Variants in ITSN1 observed in about 807,000 individuals in gnomAD.
The protein encoded by ITSN1 is intersectin 1, also known as intersectin-1.
Under a neutral mutation model 239.8 loss-of-function variants are expected in ITSN1, and 58 were observed. That is an observed-to-expected ratio of 0.24 (90% CI 0.20 to 0.30). ITSN1 has a LOEUF of 0.30. ITSN1 is among the 10% of genes least tolerant of loss of function. The probability of loss-of-function intolerance (pLI) is 1.00; values close to 1 mark genes in which losing one functional copy is unlikely to be tolerated. For missense variants in ITSN1, 1,558 were observed against 2,103.3 expected, an observed-to-expected ratio of 0.74 and a Z score of 5.07; for synonymous variants, 780 against 770.8, an observed-to-expected ratio of 1.01 and a Z score of -0.20.
intron 1 of ITSN1, among the ~76,000 whole-genome samples, chr21:33,713,396 C>T (rs536733475): frequency 2.4e-4 from 37 of 152,084 alleles, no homozygotes; most frequent in African/African-American, 8.2e-4. Context: ...CCCGCCACCA[C>T]GCCTGGCTAA....
intron 1 of ITSN1, among the ~76,000 whole-genome samples, chr21:33,656,649 C>T (rs2089106257): frequency 6.6e-6 from 1 of 152,158 alleles, no homozygotes; most frequent in South Asian, 2.1e-4. Context: ...GGTCCCCCCA[C>T]CTCAGCCCCC....
intron 1 of ITSN1, among the ~76,000 whole-genome samples, chr21:33,670,493 T>TC (rs906511164): frequency 2.4e-4 from 37 of 152,222 alleles, no homozygotes; most frequent in African/African-American, 8.9e-4. Context: ...TTTTTTTTTT[T>TC]CCCAAAACAA....
At chr21:33,720,797 TG>T (rs2065439083) in intron 2 of ITSN1, among the ~76,000 whole-genome samples, 1 of 152,226 alleles carries the variant, frequency 6.6e-6, no homozygotes, top group African/African-American at 2.4e-5. Flanking sequence ...TCATAACTTT[TG>T]CCTGTGGCAT....
At chr21:33,667,178 A>G (rs752512489) in intron 1 of ITSN1, among the ~76,000 whole-genome samples, 36 of 151,460 alleles carry the variant, frequency 2.4e-4, no homozygotes, top group Non-Finnish European at 4.0e-4. Flanking sequence ...TGTAAAGTGT[A>G]GTTTTCCAAA....
rs1475729176 is a variant in ITSN1, at chr21:33,819,314, T to G, written c.3007T>G (p.Ser1003Ala). Residue 1003 changes from serine (S) to alanine (A), a missense_variant, in exon 24 of 40, where the codon TCG (serine) becomes GCG (alanine). By Grantham distance (99) the Ser-to-Ala change is moderately conservative (BLOSUM62 1). Coordinates refer to ENST00000381318, the MANE Select transcript of ITSN1 (RefSeq NM_003024.3). ...VASPAAKPVVSGEEFIAMYTY... is the reference protein window; with the variant it reads ...VASPAAKPVVAGEEFIAMYTY... ...CTCTCCAGCAGCCAAGCCGGTCGTT[T>G]CGGGAGAAGGTGAGGGCCTGAGTTG... 3 of 1,613,874 alleles carry G rather than the reference T, an allele frequency of 1.9e-6. No individual in the cohort carries two copies. Among genetic ancestry groups the G allele is most frequent in the Non-Finnish European group, 1.7e-6 (2 of 1,179,748 alleles).
chr21:33,868,454 C>T (rs1439282111), intron 33 of ITSN1, among the ~76,000 whole-genome samples: 3 of 152,232 alleles, frequency 2.0e-5, no homozygotes, highest in African/African-American at 7.2e-5. Context: ...AGTCCCGAGC[C>T]CTGCCCCGCG....
intron 29 of ITSN1, among the ~76,000 whole-genome samples, chr21:33,851,264 C>T (rs1250119576): frequency 6.6e-6 from 1 of 152,166 alleles, no homozygotes; most frequent in Non-Finnish European, 1.5e-5. Flanking sequence ...ATGGTCTTGA[C>T]CTCCCCAGCC....
At chr21:33,869,110 T>C (rs1982265624) in intron 33 of ITSN1, among the ~76,000 whole-genome samples, 1 of 152,184 alleles carries the variant, frequency 6.6e-6, no homozygotes, top group South Asian at 2.1e-4. Context: ...AGAAACGTAA[T>C]GCTACGACCT....
intron 1 of ITSN1, among the ~76,000 whole-genome samples, chr21:33,702,112 T>TAAACA (rs1568974946): frequency 9.2e-6 from 1 of 108,354 alleles, no homozygotes. Context: ...TTTTTTTTTT[T>TAAACA]TTTTTTTTTT....
At chr21:33,763,106 C>T (rs886556217) in intron 9 of ITSN1, among the ~76,000 whole-genome samples, 1 of 151,792 alleles carries the variant, frequency 6.6e-6, no homozygotes, top group Admixed American at 6.6e-5. Flanking sequence ...CAGCTCAGGA[C>T]TGAAATAAGC....
At chr21:33,762,046 C>T in intron 9 of ITSN1, 60 bp downstream of exon 9, 1 of 1,240,762 alleles carries the variant, frequency 8.1e-7, no homozygotes, top group Admixed American at 1.7e-5. Flanking sequence ...ATTGGTGTGG[C>T]CTCATGGGTT....
intron 1 of ITSN1, among the ~76,000 whole-genome samples, chr21:33,661,584 T>C (rs770816296): frequency 2.0e-5 from 3 of 152,154 alleles, no homozygotes; most frequent in Non-Finnish European, 4.4e-5. Context: ...GAGCAGGTCT[T>C]GCCTGAGTAC....
At chr21:33,827,726 C>T (rs748725970) in intron 26 of ITSN1, among the ~76,000 whole-genome samples, 10 of 152,158 alleles carry the variant, frequency 6.6e-5, no homozygotes, top group East Asian at 3.9e-4. Flanking sequence ...ATAAATAGCA[C>T]GAAAAAGAAA....
intron 26 of ITSN1, 58 bp downstream of exon 26, chr21:33,826,921 T>A: frequency 1.4e-6 from 2 of 1,426,822 alleles, no homozygotes; most frequent in Non-Finnish European, 9.9e-7. Flanking sequence ...TGATAGTTGC[T>A]CCCCATCTTT....
At chr21:33,781,077 A>G (rs2070138587) in intron 14 of ITSN1, among the ~76,000 whole-genome samples, 1 of 152,230 alleles carries the variant, frequency 6.6e-6, no homozygotes, top group South Asian at 2.1e-4. Context: ...GGTAGCTCCT[A>G]TTTAGACCAC....
At chr21:33,863,421 C>A (rs1421225941) in intron 31 of ITSN1, among the ~76,000 whole-genome samples, 1 of 152,190 alleles carries the variant, frequency 6.6e-6, no homozygotes, top group Non-Finnish European at 1.5e-5. Context: ...TTTGGGAGGC[C>A]AAGGTGGGTG....
chr21:33,857,215 G>A (rs2282470), intron 30 of ITSN1, among the ~76,000 whole-genome samples: 11,356 of 152,194 alleles, frequency 0.075, 505 homozygotes, highest in East Asian at 0.077. Context: ...CAGCCACGCC[G>A]CCCTCCTGGC....
chr21:33,820,870 T>A (rs1355162482), intron 24 of ITSN1, among the ~76,000 whole-genome samples: 3 of 152,096 alleles, frequency 2.0e-5, no homozygotes, highest in African/African-American at 7.2e-5. Flanking sequence ...AGAAAAAAAC[T>A]TTGGTGTGTT....
At chr21:33,824,203 GT>G (rs1490250741) in intron 25 of ITSN1, among the ~76,000 whole-genome samples, 1 of 152,192 alleles carries the variant, frequency 6.6e-6, no homozygotes, top group African/African-American at 2.4e-5. Context: ...TTTAAGTGCT[GT>G]TATCCGTATG....
Sources: gnomAD v4.1 joint callset for allele counts (sites outside exome capture counted in the v4.1 genomes callset) on GRCh38, gnomAD v4.1.1 for gene constraint, MANE v1.5 for transcripts, NCBI Gene and HGNC (gene_info 2026-07-23, HGNC 2026-07-21) for gene names.